The following TBL1XR1 variants were observed in gnomAD, a reference collection of about 807,000 sequenced individuals.
TBL1XR1 encodes TBL1X/Y related 1.
A neutral mutation model predicts 66.9 loss-of-function variants in TBL1XR1; 5 were observed. That is an observed-to-expected ratio of 0.07 (90% CI 0.04 to 0.16). The LOEUF (loss-of-function observed/expected upper bound fraction) is 0.16, where lower values mean the gene tolerates loss of function less well. Among genes scored for constraint, TBL1XR1 ranks in the 10% least tolerant of loss-of-function variants. The pLI is 1.00. For synonymous variants in TBL1XR1, 210 were observed against 206.0 expected, an observed-to-expected ratio of 1.02 and a Z score of -0.17; for missense variants, 238 against 623.2, an observed-to-expected ratio of 0.38 and a Z score of 6.58.
chr3:177,029,648 AC>A (rs1385726955), intron 14 of TBL1XR1, among the ~76,000 whole-genome samples: 6 of 151,954 alleles, frequency 3.9e-5, no homozygotes, highest in Non-Finnish European at 1.5e-5. Context: ...CAACCAAAAA[AC>A]CCCACAAAAC....
intron 4 of TBL1XR1, among the ~76,000 whole-genome samples, chr3:177,053,228 C>T (rs1717344266): frequency 6.6e-6 from 1 of 152,178 alleles, no homozygotes; most frequent in Non-Finnish European, 1.5e-5. Flanking sequence ...AGGTCTCTGT[C>T]TCAACTACTA....
At chr3:177,082,590 T>C (rs1406051613) in intron 2 of TBL1XR1, among the ~76,000 whole-genome samples, 2 of 151,360 alleles carry the variant, frequency 1.3e-5, no homozygotes, top group African/African-American at 2.4e-5. Flanking sequence ...GTAACAGTTA[T>C]GCGTAACACT....
At chr3:177,154,891 A>C (rs551488133) in intron 1 of TBL1XR1, among the ~76,000 whole-genome samples, 4 of 152,360 alleles carry the variant, frequency 2.6e-5, no homozygotes, top group African/African-American at 9.6e-5. Flanking sequence ...GAGATCACAC[A>C]CAGAGAACAA....
intron 2 of TBL1XR1, chr3:177,079,452 G>T (rs1250986949): frequency 1.3e-5 from 2 of 148,998 alleles, no homozygotes; most frequent in African/African-American, 2.5e-5. Flanking sequence ...AAAAAAATTT[G>T]TATCTAGTAT....
At chr3:177,117,771 T>TCCCA (rs1173690647) in intron 1 of TBL1XR1, among the ~76,000 whole-genome samples, 4 of 152,218 alleles carry the variant, frequency 2.6e-5, no homozygotes, top group Admixed American at 2.6e-4. Context: ...ACTCTACTTC[T>TCCCA]ATGCCACTGA....
At chr3:177,026,238 C>T in intron 15 of TBL1XR1, 135 bp downstream of exon 15, 2 of 692,024 alleles carry the variant, frequency 2.9e-6, no homozygotes, top group Non-Finnish European at 2.3e-6. Context: ...AGTTTACAGC[C>T]TCAGGAAAAA....
chr3:177,028,285 T>C (rs1576964055), intron 14 of TBL1XR1, among the ~76,000 whole-genome samples: 1 of 130,186 alleles, frequency 7.7e-6, no homozygotes. Context: ...TGTTTTACTA[T>C]TTTCAAAGTT....
intron 1 of TBL1XR1, among the ~76,000 whole-genome samples, chr3:177,113,767 T>C (rs1485467462): frequency 1.3e-5 from 2 of 152,162 alleles, no homozygotes; most frequent in African/African-American, 2.4e-5. Flanking sequence ...TGAAAGAATG[T>C]TCGACATCAC....
chr3:177,182,503 A>G (rs563699710), intron 1 of TBL1XR1, among the ~76,000 whole-genome samples: 1 of 152,326 alleles, frequency 6.6e-6, no homozygotes, highest in East Asian at 1.9e-4. Context: ...AAAAGCAACA[A>G]GAGTCTACTG....
intron 14 of TBL1XR1, among the ~76,000 whole-genome samples, chr3:177,028,761 G>A (rs1009983241): frequency 6.6e-6 from 1 of 152,018 alleles, no homozygotes; most frequent in African/African-American, 2.4e-5. Flanking sequence ...AAAGTGGCAA[G>A]AACAGAAAAA....
intron 14 of TBL1XR1, 81 bp from the exon 15 acceptor site, chr3:177,026,555 A>C: frequency 1.9e-6 from 2 of 1,030,576 alleles, no homozygotes; most frequent in Non-Finnish European, 2.7e-6. Flanking sequence ...AATATTACAT[A>C]GCTTTATTTC....
At chr3:177,051,423 G>A (rs2108495859) in intron 5 of TBL1XR1, 81 bp downstream of exon 5, 3 of 1,301,502 alleles carry the variant, frequency 2.3e-6, no homozygotes, top group Non-Finnish European at 3.1e-6. Context: ...TAACAAACCT[G>A]CACATGTACC....
intron 1 of TBL1XR1, among the ~76,000 whole-genome samples, chr3:177,175,497 C>T (rs1734047931): frequency 6.6e-6 from 1 of 152,114 alleles, no homozygotes; most frequent in Non-Finnish European, 1.5e-5. Context: ...CTGGAAAACG[C>T]AAATGTTTTA....
At chr3:177,161,204 C>T (rs1732169410) in intron 1 of TBL1XR1, among the ~76,000 whole-genome samples, 2 of 152,136 alleles carry the variant, frequency 1.3e-5, no homozygotes, top group Admixed American at 1.3e-4. Flanking sequence ...GTTTCTCTGA[C>T]TGTTTTGCCT....
At chr3:177,123,918 A>G (rs9883738) in intron 1 of TBL1XR1, among the ~76,000 whole-genome samples, 5,628 of 152,136 alleles carry the variant, frequency 0.037, 203 homozygotes, top group African/African-American at 0.083. Context: ...ACATTTTCCT[A>G]CAATTCATGC....
intron 1 of TBL1XR1, among the ~76,000 whole-genome samples, chr3:177,119,621 A>G (rs1726740841): frequency 6.6e-6 from 1 of 152,180 alleles, no homozygotes; most frequent in Admixed American, 6.5e-5. Flanking sequence ...CTACATTGTG[A>G]TACACTGCTG....
At position 177,050,432 on chromosome 3, in the gene TBL1XR1, A is replaced by C. The variant is rs1300651811; in HGVS notation, c.560+46T>G. Reference sequence around the variant, plus strand: ...TAATGCATATGTTTATAAAATGTTCAATAAGATATTTTTAAGTCATTTTAG... The same window carrying C: ...TAATGCATATGTTTATAAAATGTTCCATAAGATATTTTTAAGTCATTTTAG... On this transcript the variant is annotated intron_variant, in intron 6 of 15. Transcript: ENST00000457928. 3 of 1,600,326 alleles carry C rather than the reference A, an allele frequency of 1.9e-6. No individual in the cohort carries two copies. In the African/African-American group the frequency reaches 4.0e-5, roughly 22 times the overall value.
chr3:177,047,019 C>A (rs536822657), intron 9 of TBL1XR1, among the ~76,000 whole-genome samples: 1 of 152,210 alleles, frequency 6.6e-6, no homozygotes, highest in East Asian at 1.9e-4. Flanking sequence ...GTGAGACTAA[C>A]TAGAAATTGT....
intron 1 of TBL1XR1, among the ~76,000 whole-genome samples, chr3:177,142,332 C>T (rs978973109): frequency 6.6e-6 from 1 of 152,164 alleles, no homozygotes; most frequent in African/African-American, 2.4e-5. Flanking sequence ...CACATTTATA[C>T]CTACTCTTAA....
Sources: allele counts gnomAD v4.1 joint callset (sites outside exome capture counted in the v4.1 genomes callset), GRCh38; gene constraint gnomAD v4.1.1; transcripts MANE v1.5; gene names NCBI Gene and HGNC (gene_info 2026-07-23, HGNC 2026-07-21).